The following GTF2IRD1 variants were observed in gnomAD, a reference collection of about 807,000 sequenced individuals.
GTF2IRD1 encodes the protein general transcription factor II-I repeat domain-containing protein 1.
GTF2IRD1 carries 26 observed loss-of-function variants against 113.2 expected under a neutral mutation model. The observed-to-expected ratio is 0.23, with a 90% CI of 0.17 to 0.32. The LOEUF is 0.32. Ranked by LOEUF, GTF2IRD1 falls within the 10% of genes least tolerant of loss-of-function variation. GTF2IRD1 has a pLI of 1.00. For missense variants in GTF2IRD1, 864 were observed against 1,280.8 expected, an observed-to-expected ratio of 0.67 and a Z score of 4.97; for synonymous variants, 484 against 529.1, an observed-to-expected ratio of 0.91 and a Z score of 1.17.
intron 1 of GTF2IRD1, among the ~76,000 whole-genome samples, chr7:74,500,783 G>A (rs1403382860): frequency 6.6e-6 from 1 of 152,104 alleles, no homozygotes; most frequent in Non-Finnish European, 1.5e-5. Context: ...GAGTGCAACG[G>A]CATGATCACA....
rs587759654 is a variant in GTF2IRD1, at chr7:74,526,133, G to A, written c.1090+1979G>A. On this transcript the variant is annotated intron_variant, in intron 8 of 26. Coordinates refer to ENST00000424337, the MANE Select transcript of GTF2IRD1 (RefSeq NM_005685.4). ...AGGTTGGGGGAGGGGAACCAGGGAGGAGCCGGCTCTGCCTGCCTTGGGAGG... is the reference window on the plus strand; with the variant it reads ...AGGTTGGGGGAGGGGAACCAGGGAGAAGCCGGCTCTGCCTGCCTTGGGAGG... Among the ~76,000 whole-genome samples the A allele has an allele frequency of 1.8e-4, 27 of 152,374 alleles. No individual in the cohort carries two copies. The South Asian group carries it at 5.6e-3, about 32-fold the overall frequency.
intron 1 of GTF2IRD1, among the ~76,000 whole-genome samples, chr7:74,478,375 G>A (rs557587396): frequency 1.8e-4 from 28 of 152,324 alleles, no homozygotes; most frequent in African/African-American, 6.0e-4. Context: ...ACATTCTCAC[G>A]TGGGGCTCTC....
intron 2 of GTF2IRD1, among the ~76,000 whole-genome samples, chr7:74,511,784 A>G (rs1584560991): frequency 1.3e-5 from 2 of 152,274 alleles, no homozygotes; most frequent in Admixed American, 6.5e-5. Context: ...TTTATTAGAC[A>G]CAACTGCCTG....
At chr7:74,473,989 C>T (rs1032533973) in intron 1 of GTF2IRD1, among the ~76,000 whole-genome samples, 12 of 151,376 alleles carry the variant, frequency 7.9e-5, no homozygotes, top group South Asian at 2.1e-4. Flanking sequence ...TTTGGGAGGC[C>T]GAGGCGGGTG....
chr7:74,581,021 T>TC (rs1440702086), intron 22 of GTF2IRD1, among the ~76,000 whole-genome samples: 1 of 151,472 alleles, frequency 6.6e-6, no homozygotes, highest in Non-Finnish European at 1.5e-5. Flanking sequence ...CCCCCTTTTC[T>TC]GGGGGGGGTT....
intron 1 of GTF2IRD1, among the ~76,000 whole-genome samples, chr7:74,494,713 T>A (rs187054168): frequency 6.6e-6 from 1 of 151,244 alleles, no homozygotes; most frequent in Non-Finnish European, 1.5e-5. Flanking sequence ...ATAGGGAAAC[T>A]CCCATTTCTA....
Position 74,526,924 on chromosome 7 carries a change from G to A in GTF2IRD1, c.1090+2770G>A, listed in dbSNP as rs781952825. On this transcript the variant is annotated intron_variant, in intron 8 of 26. Transcript: ENST00000424337. ...AAAGCCGCCAACGCAGACCTGGGCC[G>A]CTGCATCAACAGGAAAACAGTGTCA... 3.9e-5 allele frequency among the ~76,000 whole-genome samples: 6 copies of A among 152,172 alleles called. No individual in the cohort carries two copies. In the South Asian group the frequency reaches 6.2e-4, roughly 16 times the overall value.
intron 25 of GTF2IRD1, 174 bp from the exon 26 acceptor site, chr7:74,600,870 G>A (rs1802716542): frequency 1.5e-6 from 1 of 652,846 alleles, no homozygotes; most frequent in Non-Finnish European, 2.6e-6. Context: ...TTGGGAAGGA[G>A]GCTGGACATG....
intron 23 of GTF2IRD1, 146 bp downstream of exon 23, chr7:74,590,074 T>G (rs1355365892): frequency 1.7e-6 from 1 of 594,090 alleles, no homozygotes; most frequent in Non-Finnish European, 3.1e-6. Flanking sequence ...ATGACCCACG[T>G]TTTGTGTATG....
intron 1 of GTF2IRD1, among the ~76,000 whole-genome samples, chr7:74,501,649 G>C (rs1268719522): frequency 6.6e-6 from 1 of 152,058 alleles, no homozygotes; most frequent in African/African-American, 2.4e-5. Context: ...TTGTTTGTTT[G>C]TTTTGGTTTT....
chr7:74,486,172 T>C (rs1795014627), intron 1 of GTF2IRD1, among the ~76,000 whole-genome samples: 1 of 152,112 alleles, frequency 6.6e-6, no homozygotes, highest in African/African-American at 2.4e-5. Flanking sequence ...GGTTTCACCA[T>C]GTTGGCCAGG....
intron 25 of GTF2IRD1, 69 bp downstream of exon 25, chr7:74,595,120 G>A: frequency 8.5e-7 from 1 of 1,172,752 alleles, no homozygotes; most frequent in Non-Finnish European, 1.3e-6. Context: ...TTGAAAAAAG[G>A]TAGACCCGGG....
At chr7:74,574,150 ATTT>A (rs71094796) in intron 22 of GTF2IRD1, among the ~76,000 whole-genome samples, 198 of 104,800 alleles carry the variant, frequency 1.9e-3, no homozygotes, top group African/African-American at 6.7e-3. Context: ...CACCAAGCTA[ATTT>A]TTTTTTTTTT....
intron 1 of GTF2IRD1, among the ~76,000 whole-genome samples, chr7:74,467,329 G>A (rs2116963184): frequency 6.6e-6 from 1 of 152,198 alleles, no homozygotes; most frequent in South Asian, 2.1e-4. Flanking sequence ...TGGCTGTGGC[G>A]TTCAGAGGCA....
chr7:74,490,674 C>T (rs1795290659), intron 1 of GTF2IRD1, among the ~76,000 whole-genome samples: 1 of 151,716 alleles, frequency 6.6e-6, no homozygotes, highest in African/African-American at 2.4e-5. Context: ...TGTGTGCCTG[C>T]CTTTGCCTTT....
At chr7:74,577,386 T>A (rs1226351464) in intron 22 of GTF2IRD1, among the ~76,000 whole-genome samples, 1 of 152,088 alleles carries the variant, frequency 6.6e-6, no homozygotes, top group Non-Finnish European at 1.5e-5. Flanking sequence ...GCTTTCTCTC[T>A]CACACACACG....
rs587697795 is a variant in GTF2IRD1 at position 74,520,336 on chromosome 7, G to A, written c.916+617G>A. Among the ~76,000 whole-genome samples, 4 of 152,132 alleles carry A rather than the reference G, an allele frequency of 2.6e-5. No individual in the cohort carries two copies. In the East Asian group the frequency reaches 5.8e-4, roughly 22 times the overall value. ...CAAAAGGAACAACTGCAGGTGAGGA[G>A]CACCTGGATTCATATCCTGGCTCCT... On this transcript the variant is annotated intron_variant, in intron 6 of 26. Coordinates refer to ENST00000424337, the MANE Select transcript of GTF2IRD1 (RefSeq NM_005685.4).
chr7:74,488,358 C>A (rs1795139573), intron 1 of GTF2IRD1, among the ~76,000 whole-genome samples: 1 of 152,168 alleles, frequency 6.6e-6, no homozygotes, highest in Non-Finnish European at 1.5e-5. Context: ...GGCTCTTCAG[C>A]TGCAGTTGGA....
intron 22 of GTF2IRD1, among the ~76,000 whole-genome samples, chr7:74,588,295 A>G (rs1801847303): frequency 1.3e-5 from 2 of 150,918 alleles, no homozygotes; most frequent in Non-Finnish European, 3.0e-5. Context: ...TTTAGTAGAG[A>G]CGGGGTTTCG....
Sources: gnomAD v4.1 joint callset for allele counts (sites outside exome capture counted in the v4.1 genomes callset) on GRCh38, gnomAD v4.1.1 for gene constraint, MANE v1.5 for transcripts, NCBI Gene and HGNC (gene_info 2026-07-23, HGNC 2026-07-21) for gene names.